The following SLC44A5 variants were observed in gnomAD, a reference collection of about 807,000 sequenced individuals.
SLC44A5 encodes choline transporter-like protein 5.
SLC44A5 carries 57 observed loss-of-function variants against 101.8 expected under a neutral mutation model. The observed-to-expected ratio is 0.56, with a 90% CI of 0.45 to 0.70. The LOEUF (loss-of-function observed/expected upper bound fraction) is 0.70. Ranked by LOEUF, SLC44A5 falls within the 30% of genes least tolerant of loss-of-function variation. The probability of loss-of-function intolerance (pLI) is 0.00; values close to 1 mark genes in which losing one functional copy is unlikely to be tolerated. For synonymous variants in SLC44A5, 281 were observed against 290.9 expected (o/e 0.97, Z 0.35); for missense variants, 737 against 853.1 (o/e 0.86, Z 1.70).
intron 3 of SLC44A5, among the ~76,000 whole-genome samples, chr1:75,354,538 G>T (rs114222522): frequency 6.6e-6 from 1 of 152,126 alleles, no homozygotes; most frequent in Non-Finnish European, 1.5e-5. Flanking sequence ...AATAAAAAGC[G>T]TGGGCTCCCA....
chr1:75,509,179 C>A lies in SLC44A5; in HGVS notation c.13+32256G>T, dbSNP rs768940140. Among the ~76,000 whole-genome samples, 99 of 152,188 alleles carry A rather than the reference C, an allele frequency of 6.5e-4. 1 individual carries two copies. The highest frequency in any genetic ancestry group is 3.2e-3 in the Middle Eastern group (1 of 316). ...GATAAAAACTACTATGAAGGAATAT[C>A]TATAAATATCTTTGCTAACAGAAAA... On this transcript the variant is annotated intron_variant, in intron 2 of 23. Coordinates refer to ENST00000370859, the MANE Select transcript of SLC44A5 (RefSeq NM_001130058.2).
the SLC44A5 span, among the ~76,000 whole-genome samples, chr1:75,659,360 G>A: frequency 7.1e-6 from 1 of 141,072 alleles, no homozygotes; most frequent in East Asian, 2.2e-4. Context: ...AAGAAAGAAA[G>A]AAGGAAAGAA....
chr1:75,580,211 A>T (rs1252223469), intron 1 of SLC44A5, among the ~76,000 whole-genome samples: 1 of 152,236 alleles, frequency 6.6e-6, no homozygotes, highest in Non-Finnish European at 1.5e-5. Context: ...ATTCCCAGAT[A>T]TAATATTAGT....
chr1:75,227,612 T>C, intron 13 of SLC44A5, 114 bp downstream of exon 13: 1 of 741,068 alleles, frequency 1.3e-6, no homozygotes. Flanking sequence ...TTACTTTTTA[T>C]GACACTAGTG....
chr1:75,228,392 TG>T (rs766371453), intron 12 of SLC44A5, among the ~76,000 whole-genome samples: 1 of 152,134 alleles, frequency 6.6e-6, no homozygotes, highest in African/African-American at 2.4e-5. Context: ...TGTTATTGAT[TG>T]CTAGTATATT....
the SLC44A5 span, among the ~76,000 whole-genome samples, chr1:75,632,888 G>C: frequency 2.0e-5 from 3 of 152,124 alleles, no homozygotes; most frequent in Non-Finnish European, 2.9e-5. Context: ...AAATCAATTA[G>C]TGTCTGCAAA....
the SLC44A5 span, among the ~76,000 whole-genome samples, chr1:75,653,558 G>A: frequency 3.3e-5 from 5 of 152,200 alleles, no homozygotes; most frequent in South Asian, 2.1e-4. Flanking sequence ...ACTGAAACAC[G>A]CATATAATTT....
At chr1:75,321,421 G>A (rs1656133042) in intron 4 of SLC44A5, among the ~76,000 whole-genome samples, 1 of 151,728 alleles carries the variant, frequency 6.6e-6, no homozygotes, top group South Asian at 2.1e-4. Context: ...ATTTCTAGAT[G>A]AATGCCTTCT....
intron 1 of SLC44A5, among the ~76,000 whole-genome samples, chr1:75,606,440 C>A (rs543230906): frequency 6.6e-6 from 1 of 151,950 alleles, no homozygotes; most frequent in East Asian, 1.9e-4. Context: ...AGGTTAAAAC[C>A]CACCTCAATA....
chr1:75,533,745 A>G (rs567875179), intron 2 of SLC44A5, among the ~76,000 whole-genome samples: 2 of 152,316 alleles, frequency 1.3e-5, no homozygotes, highest in Admixed American at 6.5e-5. Context: ...ATAGTTTACT[A>G]TGCACATTTC....
chr1:75,495,009 C>T (rs1187684383), intron 2 of SLC44A5, among the ~76,000 whole-genome samples: 1 of 152,030 alleles, frequency 6.6e-6, no homozygotes, highest in Non-Finnish European at 1.5e-5. Context: ...TGAGAGGCAC[C>T]CAGAATCTCT....
intron 2 of SLC44A5, among the ~76,000 whole-genome samples, chr1:75,512,735 G>C (rs1237889685): frequency 1.3e-5 from 2 of 152,140 alleles, no homozygotes; most frequent in Non-Finnish European, 2.9e-5. Flanking sequence ...TAGGAGTAGA[G>C]GAGAAGGCAG....
In SLC44A5 at chr1:75,348,496, T is replaced by G. The variant is rs1658415249; in HGVS notation, c.53-8866A>C. The stretch of plus-strand genomic sequence containing the variant: ...ACCATAGCCTTAAGAATGGTGGCAC[T>G]AAGCGAAAAGATGAGGAAAAACACC... On this transcript the variant is annotated intron_variant, in intron 3 of 23. Coordinates refer to ENST00000370859, the MANE Select transcript of SLC44A5 (RefSeq NM_001130058.2). 2.0e-5 allele frequency among the ~76,000 whole-genome samples: 3 copies of G among 152,114 alleles called. No individual in the cohort carries two copies. In the South Asian group the frequency reaches 6.2e-4, roughly 32 times the overall value.
intron 2 of SLC44A5, among the ~76,000 whole-genome samples, chr1:75,414,766 C>T (rs1028301611): frequency 2.6e-5 from 4 of 152,032 alleles, no homozygotes; most frequent in Admixed American, 2.0e-4. Flanking sequence ...AAGGAGAAAG[C>T]ATGCATATTA....
intron 23 of SLC44A5, among the ~76,000 whole-genome samples, chr1:75,207,700 A>G (rs1251440579): frequency 6.6e-6 from 1 of 152,154 alleles, no homozygotes; most frequent in Non-Finnish European, 1.5e-5. Context: ...TTTCTATACA[A>G]TAGTCCCCTC....
intron 2 of SLC44A5, among the ~76,000 whole-genome samples, chr1:75,447,979 C>T (rs2101650308): frequency 6.6e-6 from 1 of 152,068 alleles, no homozygotes; most frequent in Non-Finnish European, 1.5e-5. Flanking sequence ...AGTTTTAAAA[C>T]ATTTTTATTA....
chr1:75,287,426 C>CT (rs371647505), intron 5 of SLC44A5, among the ~76,000 whole-genome samples: 29,379 of 68,492 alleles, frequency 0.43, 6,446 homozygotes, highest in African/African-American at 0.52. Context: ...CTTCTGAATT[C>CT]TTTTTTTTTT....
chr1:75,261,934 A>C (rs1210122440), intron 6 of SLC44A5, among the ~76,000 whole-genome samples: 7 of 152,138 alleles, frequency 4.6e-5, no homozygotes, highest in Admixed American at 4.6e-4. Flanking sequence ...CCTTCGACAA[A>C]ATTCAACAGC....
At chr1:75,652,214 A>T in the SLC44A5 span, among the ~76,000 whole-genome samples, 11 of 152,182 alleles carry the variant, frequency 7.2e-5, no homozygotes, top group Non-Finnish European at 1.5e-4. Context: ...CCAAGGGAAG[A>T]ATCAGGGAAT....
Sources: allele counts gnomAD v4.1 joint callset (sites outside exome capture counted in the v4.1 genomes callset), GRCh38; gene constraint gnomAD v4.1.1; transcripts MANE v1.5; gene names NCBI Gene and HGNC (gene_info 2026-07-23, HGNC 2026-07-21).